OPCML: variants seen among roughly 807,000 people sequenced by gnomAD.
OPCML encodes the protein opioid binding protein/cell adhesion molecule like, also known as opioid-binding protein/cell adhesion molecule.
Under a neutral mutation model 37.8 loss-of-function variants are expected in OPCML, and 13 were observed. The observed-to-expected ratio is 0.34, with a 90% CI of 0.22 to 0.55. The LOEUF (loss-of-function observed/expected upper bound fraction) is 0.55, where lower values mean the gene tolerates loss of function less well. Ranked by LOEUF, OPCML falls within the 20% of genes least tolerant of loss-of-function variation. The pLI is 0.91. For synonymous variants in OPCML, 176 were observed against 168.8 expected (o/e 1.04, Z -0.33); for missense variants, 341 against 435.6 (o/e 0.78, Z 1.93).
At chr11:133,488,848 C>A (rs1352599925) in intron 1 of OPCML, among the ~76,000 whole-genome samples, 1 of 151,908 alleles carries the variant, frequency 6.6e-6, no homozygotes, top group Non-Finnish European at 1.5e-5. Context: ...GTAACCAAAG[C>A]TGCATTGTAC....
At position 133,468,153 on chromosome 11, in the gene OPCML, G is replaced by A. The variant is rs151260252; in HGVS notation, c.61+64111C>T. Among the ~76,000 whole-genome samples the A allele has an allele frequency of 1.5e-3, 226 of 152,300 alleles. 1 individual carries two copies. The highest frequency in any genetic ancestry group is 6.8e-3 in the Middle Eastern group (2 of 294). ...TAAAACAAGTGACAGAATTTAAGGG[G>A]TTTTTCCTTGCCTTTCATTGATGGC... On this transcript the variant is annotated intron_variant, in intron 1 of 7. Transcript: ENST00000524381.
At chr11:133,410,625 GA>G (rs1301795233) in intron 1 of OPCML, among the ~76,000 whole-genome samples, 1 of 27,054 alleles carries the variant, frequency 3.7e-5, no homozygotes, top group Non-Finnish European at 8.1e-5. Context: ...CACACGTTAA[GA>G]AAAAAAGTAA....
At chr11:133,413,948 C>T (rs1186244870) in intron 1 of OPCML, among the ~76,000 whole-genome samples, 1 of 152,122 alleles carries the variant, frequency 6.6e-6, no homozygotes. Context: ...AGCTGCCTCT[C>T]CAGCCAAAGA....
intron 1 of OPCML, among the ~76,000 whole-genome samples, chr11:133,265,843 G>A (rs529964849): frequency 7.2e-5 from 11 of 152,184 alleles, no homozygotes; most frequent in Non-Finnish European, 1.2e-4. Context: ...GAAATGTGCC[G>A]GAAGCAATCA....
chr11:132,465,724 C>T (rs78276584), intron 4 of OPCML, among the ~76,000 whole-genome samples: 3,965 of 152,186 alleles, frequency 0.026, 122 homozygotes, highest in African/African-American at 0.075. Context: ...TTTATAACTT[C>T]TGCACTTTGA....
At chr11:133,050,864 A>T (rs1244634019) in intron 1 of OPCML, among the ~76,000 whole-genome samples, 2 of 152,116 alleles carry the variant, frequency 1.3e-5, no homozygotes, top group Non-Finnish European at 2.9e-5. Flanking sequence ...AGGCTTAATT[A>T]TTCACATCAG....
At chr11:132,851,002 A>T (rs1941784461) in intron 2 of OPCML, among the ~76,000 whole-genome samples, 1 of 152,202 alleles carries the variant, frequency 6.6e-6, no homozygotes, top group African/African-American at 2.4e-5. Flanking sequence ...GAATTCAGAG[A>T]GGTCTATCAA....
At chr11:132,531,135 T>G (rs78951364) in intron 3 of OPCML, among the ~76,000 whole-genome samples, 2 of 152,174 alleles carry the variant, frequency 1.3e-5, no homozygotes, top group African/African-American at 4.8e-5. Context: ...ACATCTCTAC[T>G]CCTCAGTGTA....
intron 1 of OPCML, among the ~76,000 whole-genome samples, chr11:133,478,573 C>G (rs1322696489): frequency 6.6e-6 from 1 of 152,122 alleles, no homozygotes; most frequent in Non-Finnish European, 1.5e-5. Context: ...GCAAATTGAT[C>G]GGTTTCTTTC....
intron 1 of OPCML, among the ~76,000 whole-genome samples, chr11:133,099,941 C>T (rs1184989653): frequency 6.6e-6 from 1 of 151,944 alleles, no homozygotes; most frequent in African/African-American, 2.4e-5. Context: ...CAATGGTGGA[C>T]TGAATAAAGA....
intron 2 of OPCML, among the ~76,000 whole-genome samples, chr11:132,859,801 G>A (rs763069929): frequency 3.3e-5 from 5 of 152,094 alleles, no homozygotes; most frequent in Non-Finnish European, 7.4e-5. Context: ...AATACTTCCC[G>A]TATTTCACAT....
chr11:133,284,540 C>A (rs1942245991), intron 1 of OPCML, among the ~76,000 whole-genome samples: 2 of 152,162 alleles, frequency 1.3e-5, no homozygotes, highest in African/African-American at 2.4e-5. Flanking sequence ...GGAAGGGCGG[C>A]AACAAATGGG....
intron 1 of OPCML, among the ~76,000 whole-genome samples, chr11:133,529,307 C>T (rs931992674): frequency 6.6e-6 from 1 of 151,906 alleles, no homozygotes; most frequent in Non-Finnish European, 1.5e-5. Context: ...TAGCAGTATT[C>T]GCTTCCTGCT....
chr11:133,353,394 A>G (rs926095146), intron 1 of OPCML, among the ~76,000 whole-genome samples: 1 of 152,098 alleles, frequency 6.6e-6, no homozygotes, highest in Admixed American at 6.6e-5. Flanking sequence ...TCCTGACCTC[A>G]GGTGATCCAC....
chr11:133,179,442 C>T lies in OPCML; in HGVS notation c.62-236432G>A, dbSNP rs7931628. Among the ~76,000 whole-genome samples, 1,312 of 152,132 alleles carry T rather than the reference C, an allele frequency of 8.6e-3. 22 individuals carry two copies. Among genetic ancestry groups the T allele is most frequent in the African/African-American group, 0.03 (1,229 of 41,502 alleles). On this transcript the variant is annotated intron_variant, in intron 1 of 7. Transcript: ENST00000524381. ...CCCAGGAACAGCACCTGGGACTTCT[C>T]GGGAGGAGACTCCTCACCACTCTAC...
At chr11:133,375,798 C>T (rs756107469) in intron 1 of OPCML, among the ~76,000 whole-genome samples, 1 of 152,142 alleles carries the variant, frequency 6.6e-6, no homozygotes, top group African/African-American at 2.4e-5. Context: ...GGTGTCTGTG[C>T]GTTCCCACAA....
chr11:133,293,903 C>A (rs199656738), intron 1 of OPCML, among the ~76,000 whole-genome samples: 1 of 59,208 alleles, frequency 1.7e-5, no homozygotes, highest in African/African-American at 1.2e-4. Context: ...TTCACACACA[C>A]ACACACACAC....
At chr11:133,081,575 C>T (rs1948716944) in intron 1 of OPCML, among the ~76,000 whole-genome samples, 1 of 152,200 alleles carries the variant, frequency 6.6e-6, no homozygotes, top group African/African-American at 2.4e-5. Flanking sequence ...ATTGACTTCT[C>T]TTCTTGAGAT....
intron 1 of OPCML, among the ~76,000 whole-genome samples, chr11:133,127,754 CTAAT>C (rs539449651): frequency 1.4e-4 from 21 of 151,862 alleles, no homozygotes; most frequent in African/African-American, 3.6e-4. Context: ...AATTTATCAT[CTAAT>C]TAAGAAGAAA....
Sources: gnomAD v4.1 joint callset for allele counts (sites outside exome capture counted in the v4.1 genomes callset) on GRCh38, gnomAD v4.1.1 for gene constraint, MANE v1.5 for transcripts, NCBI Gene and HGNC (gene_info 2026-07-23, HGNC 2026-07-21) for gene names.